Variants in KLHL29 observed in about 807,000 individuals in gnomAD.
KLHL29 encodes the protein kelch-like protein 29.
KLHL29 carries 21 observed loss-of-function variants against 80.4 expected under a neutral mutation model. That is an observed-to-expected ratio of 0.26 (90% CI 0.19 to 0.38). The LOEUF (loss-of-function observed/expected upper bound fraction) is 0.38, where lower values mean the gene tolerates loss of function less well. Ranked by LOEUF, KLHL29 falls within the 10% of genes least tolerant of loss-of-function variation. The probability of loss-of-function intolerance (pLI) is 1.00; values close to 1 mark genes in which losing one functional copy is unlikely to be tolerated. For missense variants in KLHL29, 867 were observed against 1,223.9 expected (o/e 0.71, Z 4.35); for synonymous variants, 511 against 526.8 (o/e 0.97, Z 0.41).
intron 6 of KLHL29, chr2:23,691,381 C>G (rs1671590062): frequency 4.4e-6 from 2 of 450,354 alleles, no homozygotes; most frequent in Admixed American, 7.2e-5. Context: ...CCTTTGAGGC[C>G]AGTCCTGGTC....
At chr2:23,643,016 A>T in intron 5 of KLHL29, 166 bp downstream of exon 5, 5 of 823,776 alleles carry the variant, frequency 6.1e-6, no homozygotes, top group Non-Finnish European at 1.0e-5. Flanking sequence ...AACTGGCCTG[A>T]GATGGGGGAG....
chr2:23,582,247 A>T lies in KLHL29; in HGVS notation c.285+19766A>T, dbSNP rs938699720. On this transcript the variant is annotated intron_variant, in intron 3 of 13. Coordinates refer to ENST00000486442, the MANE Select transcript of KLHL29 (RefSeq NM_052920.2). ...TGCTTTATGGTTTTCAAACATTTTA[A>T]TTAGTTTCATTTTTTAATATAAATG... Among the ~76,000 whole-genome samples, 4 of 152,230 alleles carry T rather than the reference A, an allele frequency of 2.6e-5. No homozygotes were observed. In the South Asian group the frequency reaches 8.3e-4, roughly 31 times the overall value.
chr2:23,439,431 T>C (rs1663445583), intron 1 of KLHL29, among the ~76,000 whole-genome samples: 1 of 151,198 alleles, frequency 6.6e-6, no homozygotes, highest in African/African-American at 2.4e-5. Context: ...CTTTCCTGCT[T>C]TCTCTTGTGG....
intron 1 of KLHL29, among the ~76,000 whole-genome samples, chr2:23,464,291 C>T (rs1049163854): frequency 7.2e-5 from 11 of 152,162 alleles, no homozygotes; most frequent in African/African-American, 1.7e-4. Context: ...CCGGAGCCCC[C>T]GGAGCCCCCA....
chr2:23,673,857 C>T (rs4078753), intron 5 of KLHL29, among the ~76,000 whole-genome samples: 123,584 of 151,856 alleles, frequency 0.81, 52,415 homozygotes, highest in East Asian at 0.99. Flanking sequence ...CACCCACACC[C>T]TTGTACCCAC....
At chr2:23,493,403 TG>T (rs145054692) in intron 2 of KLHL29, among the ~76,000 whole-genome samples, 199 of 152,320 alleles carry the variant, frequency 1.3e-3, no homozygotes, top group Non-Finnish European at 1.9e-3. Context: ...CATATTTTAC[TG>T]ATGATATTTT....
rs11679265 is a variant in KLHL29 at position 23,669,057 on chromosome 2, A to G, written c.941-15342A>G. On this transcript the variant is annotated intron_variant, in intron 5 of 13. Transcript: ENST00000486442. This position sits in a 1 kb window ranked among gnomAD's most constrained non-coding sequence, Gnocchi z 4.3. ...CCCTGGGCCGGGGGCTGTGGAGTCT[A>G]GGAGGACCTGGTCCTGTGTGACCAC... 0.021 allele frequency: 3,154 copies of G among 152,308 alleles called. 54 individuals carry two copies. Among genetic ancestry groups the G allele is most frequent in the Middle Eastern group, 0.034 (10 of 294 alleles). The allele number at this position is 152,308 out of a possible 1,614,324, so 9.4% of individuals were successfully genotyped here. A position where few individuals can be genotyped will look rare whatever the true frequency, so the allele number is the denominator to read the frequency against.
chr2:23,511,417 A>C (rs533814614), intron 2 of KLHL29, among the ~76,000 whole-genome samples: 140 of 152,330 alleles, frequency 9.2e-4, no homozygotes, highest in African/African-American at 3.1e-3. Flanking sequence ...TGGAGGGCGC[A>C]GACCAAAAAG....
chr2:23,402,384 T>C (rs1303266087), intron 1 of KLHL29, among the ~76,000 whole-genome samples: 1 of 151,768 alleles, frequency 6.6e-6, no homozygotes, highest in Non-Finnish European at 1.5e-5. Flanking sequence ...AAGATAAACT[T>C]TGCTCCATTT....
intron 1 of KLHL29, among the ~76,000 whole-genome samples, chr2:23,447,782 G>A (rs1663744303): frequency 6.6e-6 from 1 of 152,218 alleles, no homozygotes; most frequent in Non-Finnish European, 1.5e-5. Flanking sequence ...GCCATTTATA[G>A]TCCTTATTTA....
intron 2 of KLHL29, among the ~76,000 whole-genome samples, chr2:23,558,664 A>G (rs1667360634): frequency 1.3e-5 from 2 of 152,158 alleles, no homozygotes; most frequent in Non-Finnish European, 2.9e-5. Flanking sequence ...TTGGCCTCCC[A>G]AAGTTCTGGG....
intron 5 of KLHL29, among the ~76,000 whole-genome samples, chr2:23,658,922 G>T (rs984183176): frequency 6.6e-5 from 10 of 152,156 alleles, no homozygotes; most frequent in African/African-American, 2.4e-4. Flanking sequence ...GAATTCGGAG[G>T]CCCCAGCCTC....
chr2:23,414,206 G>A lies in KLHL29; in HGVS notation c.-154+28426G>A, dbSNP rs370633535. ...GATGAGTTGTTCTCCATCTCACTGA[G>A]CGAGAGGAGACAAAGTGGATCTCAA... On this transcript the variant is annotated intron_variant, in intron 1 of 13. Transcript: ENST00000486442. 9.5e-4 allele frequency among the ~76,000 whole-genome samples: 144 copies of A among 152,360 alleles called. 2 individuals carry two copies. The South Asian group carries it at 0.029, about 30-fold the overall frequency.
chr2:23,650,189 A>G (rs1481435683), intron 5 of KLHL29, among the ~76,000 whole-genome samples: 1 of 152,192 alleles, frequency 6.6e-6, no homozygotes, highest in East Asian at 1.9e-4. Flanking sequence ...TGCCAGCAAT[A>G]AGGGCCTCAG....
chr2:23,517,467 G>A lies in KLHL29; in HGVS notation c.-46+41800G>A, dbSNP rs184528166. On this transcript the variant is annotated intron_variant, in intron 2 of 13. Coordinates refer to ENST00000486442, the MANE Select transcript of KLHL29 (RefSeq NM_052920.2). ...CTGAGGTAGGAGAATCGCTTGTACC[G>A]GGGAGGCAGAGGTTGCAGTGAGCCG... 1.2e-3 allele frequency among the ~76,000 whole-genome samples: 185 copies of A among 152,280 alleles called. 3 individuals are homozygous for A. The highest frequency in any genetic ancestry group is 4.1e-3 in the African/African-American group (171 of 41,564).
At chr2:23,476,813 G>T (rs888440606) in intron 2 of KLHL29, among the ~76,000 whole-genome samples, 10 of 152,252 alleles carry the variant, frequency 6.6e-5, no homozygotes, top group Non-Finnish European at 1.5e-4. Flanking sequence ...AGCCAGAAAT[G>T]CCGGGGAACC....
chr2:23,528,826 G>A (rs777345788), intron 2 of KLHL29, among the ~76,000 whole-genome samples: 2 of 152,172 alleles, frequency 1.3e-5, no homozygotes, highest in East Asian at 1.9e-4. Flanking sequence ...TCCTGCCAGC[G>A]CAGCCTGACT....
chr2:23,524,511 C>G (rs1206018380), intron 2 of KLHL29, among the ~76,000 whole-genome samples: 1 of 152,206 alleles, frequency 6.6e-6, no homozygotes, highest in Non-Finnish European at 1.5e-5. Flanking sequence ...ACACGGCTGG[C>G]AGGCCAGTGG....
chr2:23,464,413 C>A (rs542510789), intron 1 of KLHL29, among the ~76,000 whole-genome samples: 2 of 152,132 alleles, frequency 1.3e-5, no homozygotes, highest in East Asian at 3.8e-4. Context: ...CAGCTGCCTT[C>A]GGGGGGGATA....
Sources: allele counts gnomAD v4.1 joint callset (sites outside exome capture counted in the v4.1 genomes callset), GRCh38; gene constraint gnomAD v4.1.1; non-coding constraint Gnocchi (gnomAD v3.1); transcripts MANE v1.5; gene names NCBI Gene and HGNC (gene_info 2026-07-23, HGNC 2026-07-21).